TMC8: variants seen among roughly 807,000 people sequenced by gnomAD.
The protein encoded by TMC8 is transmembrane channel-like protein 8.
A neutral mutation model predicts 76.0 loss-of-function variants in TMC8; 71 were observed. That is an observed-to-expected ratio of 0.93 (90% CI 0.77 to 1.14). The LOEUF is 1.14. Ranked by LOEUF, TMC8 falls within the 50% of genes most tolerant of loss-of-function variation. TMC8 has a pLI of 0.00. For missense variants in TMC8, 924 were observed against 947.9 expected (o/e 0.97, Z 0.33); for synonymous variants, 433 against 433.8 (o/e 1.00, Z 0.02).
chr17:78,135,435 A>G lies in TMC8; in HGVS notation c.1127+426A>G, dbSNP rs982546864. Reference sequence around the variant, plus strand: ...GAGGGATGAGGAAACTGAGGTTCACATGAGTGAAGCGCCCAGCCAAAGTCA... The same window carrying G: ...GAGGGATGAGGAAACTGAGGTTCACGTGAGTGAAGCGCCCAGCCAAAGTCA... On this transcript the variant is annotated intron_variant, in intron 9 of 15. Coordinates refer to ENST00000318430, the MANE Select transcript of TMC8 (RefSeq NM_152468.5). Among the ~76,000 whole-genome samples the G allele has an allele frequency of 3.4e-4, 52 of 152,156 alleles. 2 individuals carry two copies. Among genetic ancestry groups the G allele is most frequent in the Admixed American group, 9.2e-4 (14 of 15,278 alleles).
chr17:78,140,328 A>C (rs866813803), intron 15 of TMC8, among the ~76,000 whole-genome samples: 4 of 147,330 alleles, frequency 2.7e-5, no homozygotes, highest in East Asian at 3.9e-4. Context: ...AGTTTCCACA[A>C]AAAAAAAAAA....
chr17:78,137,435 G>T (rs1187497717), intron 10 of TMC8, 77 bp downstream of exon 10: 1 of 1,607,906 alleles, frequency 6.2e-7, no homozygotes, highest in Non-Finnish European at 8.5e-7. Context: ...GCAGAGCCCT[G>T]TTCCTGCCCC....
At position 78,142,273 on chromosome 17, in the gene TMC8, T is replaced by C. The variant is rs1369623827; in HGVS notation, c.*1161T>C. On this transcript the variant is annotated 3_prime_UTR_variant, in exon 16 of 16. Transcript: ENST00000318430. ...CCAGCAGCCAGGGCATCGGGACTTT[T>C]CGAAGCTCCCAGGTGACTCACCGGC... is the stretch of plus-strand genomic sequence containing the variant. 6.6e-6 allele frequency: 1 copy of C among 152,354 alleles called. No homozygotes were observed. The highest frequency in any genetic ancestry group is 1.9e-4 in the East Asian group (1 of 5,182). 9.4% of individuals were successfully genotyped at this position (152,354 alleles called of 1,614,324 possible).
chr17:78,140,152 G>A (rs916550014), intron 15 of TMC8, among the ~76,000 whole-genome samples: 12 of 152,146 alleles, frequency 7.9e-5, no homozygotes, highest in Non-Finnish European at 1.8e-4. Context: ...GCAAGACCTC[G>A]TCTCTACTAA....
At chr17:78,136,964 T>A (rs905812565) in intron 9 of TMC8, 24 of 428,686 alleles carry the variant, frequency 5.6e-5, no homozygotes, top group Middle Eastern at 7.3e-4. Flanking sequence ...TGAGCCGAGG[T>A]CACAACACTG....
At chr17:78,133,628 A>G in intron 6 of TMC8, 86 bp downstream of exon 6, 2 of 1,592,406 alleles carry the variant, frequency 1.3e-6, no homozygotes, top group Non-Finnish European at 1.7e-6. Context: ...TCCCATTGGC[A>G]GGAAGGCCCA....
At chr17:78,134,333 C>A (rs2075155502) in intron 7 of TMC8, 61 bp from the exon 8 acceptor site, 1 of 1,580,212 alleles carries the variant, frequency 6.3e-7, no homozygotes. Flanking sequence ...GCGTTTCCTG[C>A]ACCCTTTCCT....
In TMC8 at chr17:78,141,100, C is replaced by T. The variant is rs1489630128; in HGVS notation, c.2169C>T (p.Gly723=). 1.3e-6 allele frequency: 2 copies of T among 1,573,350 alleles called. No homozygotes were observed. The highest frequency in any genetic ancestry group is 2.3e-5 in the East Asian group (1 of 44,382). The change falls in exon 16 of 16, where the codon GGC becomes GGT. Residue 723 remains glycine (G), a synonymous_variant. Coordinates refer to ENST00000318430, the MANE Select transcript of TMC8 (RefSeq NM_152468.5). ...ASARRFRFPS[G]AEL ...CCCGCAGATTCCGCTTCCCCAGCGG[C>T]GCGGAGCTGTAACCCCTACCCCTGC...
chr17:78,137,469 GT>G, intron 10 of TMC8, 111 bp downstream of exon 10: 1 of 1,580,592 alleles, frequency 6.3e-7, no homozygotes, highest in Non-Finnish European at 8.6e-7. Context: ...GAGAGAAGCT[GT>G]GAGCAGGGCT....
Position 78,132,949 on chromosome 17 carries a change from G to A in TMC8, c.531+79G>A. The A allele has an allele frequency of 2.0e-6, 3 of 1,489,098 alleles. No homozygotes were observed. In the South Asian group the frequency reaches 3.4e-5, roughly 17 times the overall value. The allele number at this position is 1,489,098 out of a possible 1,614,324, so 92.2% of individuals were successfully genotyped here. A position where few individuals can be genotyped will look rare whatever the true frequency, so the allele number is the denominator to read the frequency against. On this transcript the variant is annotated intron_variant, in intron 5 of 15. Coordinates refer to ENST00000318430, the MANE Select transcript of TMC8 (RefSeq NM_152468.5). The stretch of plus-strand genomic sequence containing the variant: ...GGCTTCAGGGGACACAAGTCTAAGA[G>A]GACCTCTGCTCCTCCAGGGACATTT...
At position 78,137,335 on chromosome 17, in the gene TMC8, G is replaced by A. The variant is rs761773953; in HGVS notation, c.1228G>A (p.Gly410Ser). Residue 410 changes from glycine to serine, a missense_variant, in exon 10 of 16, where the codon GGC becomes AGC. Gly to Ser is a moderately conservative substitution (Grantham distance 56). Coordinates refer to ENST00000318430, the MANE Select transcript of TMC8 (RefSeq NM_152468.5). Reference sequence around the variant, plus strand: ...AGACAAGAGCAGCTGTGAGTCCTACGGCTACAACGTTTGTGACTATCAGGT... The same window carrying A: ...AGACAAGAGCAGCTGTGAGTCCTACAGCTACAACGTTTGTGACTATCAGGT... ...GRDKSSCESY[G>S]YNVCDYQCWE... 2.4e-5 allele frequency: 38 copies of A among 1,613,842 alleles called. No individual in the cohort carries two copies. The South Asian group carries it at 2.4e-4, about 10-fold the overall frequency.
intron 7 of TMC8, 57 bp downstream of exon 7, chr17:78,134,057 G>A: frequency 6.2e-7 from 1 of 1,611,582 alleles, no homozygotes; most frequent in South Asian, 1.1e-5. Flanking sequence ...GGGAGCGAGT[G>A]CGTGAGAGCC....
rs1014601730 is a variant in TMC8, at chr17:78,142,183, C to T, written c.*1071C>T. ...ATCTGTGGTTCTCATCCTTGGAGAA[C>T]ACCTGAGTAGCTGCTACAAGCTGGC... On this transcript the variant is annotated 3_prime_UTR_variant, in exon 16 of 16. Transcript: ENST00000318430. The T allele has an allele frequency of 2.0e-5, 3 of 152,036 alleles. No individual in the cohort carries two copies. The highest frequency in any genetic ancestry group is 7.3e-5 in the African/African-American group (3 of 41,350). The allele number at this position is 152,036 out of a possible 1,614,324, so 9.4% of individuals were successfully genotyped here. A position where few individuals can be genotyped will look rare whatever the true frequency, so the allele number is the denominator to read the frequency against.
At chr17:78,139,287 C>A (rs768860297) in intron 15 of TMC8, 47 bp downstream of exon 15, 2 of 1,605,544 alleles carry the variant, frequency 1.2e-6, no homozygotes, top group Non-Finnish European at 1.7e-6. Context: ...TCAGTGGAAA[C>A]CCTTCCCTAT....
intron 15 of TMC8, among the ~76,000 whole-genome samples, chr17:78,139,585 T>C (rs989906354): frequency 1.3e-5 from 2 of 151,524 alleles, no homozygotes; most frequent in Admixed American, 1.3e-4. Flanking sequence ...AAATAAGTAA[T>C]TAATTTTTTA....
At chr17:78,140,059 A>G (rs2075335231) in intron 15 of TMC8, among the ~76,000 whole-genome samples, 1 of 152,220 alleles carries the variant, frequency 6.6e-6, no homozygotes, top group Non-Finnish European at 1.5e-5. Flanking sequence ...GGAAAAAAGG[A>G]TAACATGGCT....
chr17:78,133,661 G>A, intron 6 of TMC8, 119 bp downstream of exon 6: 1 of 1,563,066 alleles, frequency 6.4e-7, no homozygotes, highest in Non-Finnish European at 8.6e-7. Flanking sequence ...GCAGGCTCCT[G>A]GGTGCTTCCT....
chr17:78,138,254 C>A, intron 12 of TMC8, 66 bp downstream of exon 12: 1 of 1,612,422 alleles, frequency 6.2e-7, no homozygotes, highest in South Asian at 1.1e-5. Flanking sequence ...GCTGGGCTCG[C>A]CTCCTGCTCC....
chr17:78,142,730 C>T lies in TMC8; in HGVS notation c.*1618C>T, dbSNP rs971474772. On this transcript the variant is annotated 3_prime_UTR_variant, in exon 16 of 16. Coordinates refer to ENST00000318430, the MANE Select transcript of TMC8 (RefSeq NM_152468.5). ...CCTGGACCAGTGGCCTCAGCATCACCTGGGAAAAGGTTAGAAATGAACATT... is the reference window on the plus strand; with the variant it reads ...CCTGGACCAGTGGCCTCAGCATCACTTGGGAAAAGGTTAGAAATGAACATT... 2.6e-5 allele frequency: 4 copies of T among 152,266 alleles called. No individual in the cohort carries two copies. Among genetic ancestry groups the T allele is most frequent in the Non-Finnish European group, 4.4e-5 (3 of 68,070 alleles). The allele number at this position is 152,266 out of a possible 1,614,324, so 9.4% of individuals were successfully genotyped here.
Sources: allele counts gnomAD v4.1 joint callset (sites outside exome capture counted in the v4.1 genomes callset), GRCh38; gene constraint gnomAD v4.1.1; transcripts MANE v1.5; gene names NCBI Gene and HGNC (gene_info 2026-07-23, HGNC 2026-07-21).